NEB: variants seen among roughly 807,000 people sequenced by gnomAD.
NEB encodes the protein nemaline myopathy type 2.
In NEB, 512 loss-of-function variants were observed where a neutral mutation model predicts 952.2. The observed-to-expected ratio is 0.54, with a 90% CI of 0.50 to 0.58. The LOEUF (loss-of-function observed/expected upper bound fraction) is 0.58, where lower values mean the gene tolerates loss of function less well. Ranked by LOEUF, NEB falls within the 20% of genes least tolerant of loss-of-function variation. The pLI is 0.00. For synonymous variants in NEB, 2,900 were observed against 3,149.8 expected (o/e 0.92, Z 2.66); for missense variants, 8,428 against 9,231.1 (o/e 0.91, Z 3.56).
intron 51 of NEB, among the ~76,000 whole-genome samples, chr2:151,654,712 CAT>C (rs1344964864): frequency 6.6e-6 from 1 of 152,154 alleles, no homozygotes; most frequent in East Asian, 1.9e-4. Context: ...AATCCAATGT[CAT>C]AGGCACTTTT....
intron 147 of NEB, 34 bp downstream of exon 147, chr2:151,527,447 G>A (rs758742499): frequency 7.1e-7 from 1 of 1,405,910 alleles, no homozygotes; most frequent in South Asian, 1.2e-5. Context: ...GGTGCAGTAT[G>A]CAGTTACAAT....
intron 15 of NEB, 43 bp downstream of exon 15, chr2:151,697,307 A>G: frequency 1.2e-6 from 2 of 1,610,300 alleles, no homozygotes; most frequent in Non-Finnish European, 1.7e-6. Context: ...ATGCCCTGAG[A>G]AAAATGTTAT....
rs749050869 is a variant in NEB at position 151,524,509 on chromosome 2, C to A, written c.22374+6G>T. 3 of 1,613,852 alleles carry A rather than the reference C, an allele frequency of 1.9e-6. No individual in the cohort carries two copies. Among genetic ancestry groups the A allele is most frequent in the Non-Finnish European group, 2.5e-6 (3 of 1,179,790 alleles). ...GGGACTGGGGACATTTTCATGACAC[C>A]CTTACCTCACTGGCCTGTTTGGCTG... On this transcript the variant is annotated splice_donor_region_variant and intron_variant, in intron 152 of 181. Transcript: ENST00000397345.
At chr2:151,576,606 A>T (rs1443581003) in intron 105 of NEB, among the ~76,000 whole-genome samples, 1 of 136,626 alleles carries the variant, frequency 7.3e-6, no homozygotes, top group African/African-American at 2.8e-5. Context: ...ATCTCAGCTC[A>T]CTACAAACTC....
chr2:151,731,837 T>G (rs2099810034), intron 3 of NEB, among the ~76,000 whole-genome samples: 1 of 152,158 alleles, frequency 6.6e-6, no homozygotes, highest in East Asian at 1.9e-4. Context: ...GTATTAGTGT[T>G]TGACAGTGAT....
Position 151,570,231 on chromosome 2 carries a change from G to A in NEB, c.17280C>T (p.Ser5760=), listed in dbSNP as rs1305420488. 6.2e-7 allele frequency: 1 copy of A among 1,613,610 alleles called. No individual in the cohort carries two copies. The highest frequency in any genetic ancestry group is 8.5e-7 in the Non-Finnish European group (1 of 1,179,826). ...DWAKWKAKIQ[S]PVDMLSILHS... ...GCAGGATGGAAAGCATGTCCACAGG[G>A]CTCTGGATCTTGGCCTTCCATTTGG... Residue 5760 remains serine (S), a synonymous_variant, in exon 109 of 182, where the codon AGC becomes AGT. Transcript: ENST00000397345.
chr2:151,622,126 G>A (rs1014952650), intron 71 of NEB, among the ~76,000 whole-genome samples: 1 of 151,866 alleles, frequency 6.6e-6, no homozygotes, highest in African/African-American at 2.4e-5. Flanking sequence ...TCAGCCACCC[G>A]AGTAGCTGGG....
chr2:151,535,436 C>T (rs2092957164), intron 142 of NEB, among the ~76,000 whole-genome samples: 2 of 152,180 alleles, frequency 1.3e-5, no homozygotes, highest in South Asian at 4.1e-4. Context: ...GGCTGTGCTG[C>T]CCTGTGTTTG....
intron 138 of NEB, 135 bp downstream of exon 138, chr2:151,540,202 TTTTTCTC>T: frequency 2.2e-6 from 1 of 447,982 alleles, no homozygotes; most frequent in Non-Finnish European, 3.7e-6. Context: ...TGGGCATTTT[TTTTTCTC>T]TTTAAAAAAA....
chr2:151,692,377 ATAAAT>A lies in NEB; in HGVS notation c.1897-20_1897-16del, dbSNP rs573951853. The A allele has an allele frequency of 1.3e-6, 2 of 1,554,338 alleles. No individual in the cohort carries two copies. The highest frequency in any genetic ancestry group is 1.8e-6 in the Non-Finnish European group (2 of 1,130,496). On this transcript the variant is annotated splice_polypyrimidine_tract_variant and intron_variant, in intron 20 of 181. Coordinates refer to ENST00000397345, the MANE Select transcript of NEB (RefSeq NM_001164508.2). ...TTGTATAATCTCTGTTAAAGGAAAA[ATAAAT>A]TAAACCAAAAAGAAAGAAATATATA...
At chr2:151,518,280 A>C in intron 156 of NEB, 38 bp downstream of exon 156, 2 of 1,395,778 alleles carry the variant, frequency 1.4e-6, no homozygotes, top group Non-Finnish European at 2.0e-6. Context: ...CTGTGGATGA[A>C]TGTGCGCCAG....
chr2:151,568,287 A>G, intron 112 of NEB, 29 bp downstream of exon 112: 1 of 1,605,894 alleles, frequency 6.2e-7, no homozygotes, highest in Non-Finnish European at 8.5e-7. Flanking sequence ...CTCGTACACA[A>G]ACACCAGGCA....
intron 138 of NEB, among the ~76,000 whole-genome samples, chr2:151,539,272 T>C (rs778714387): frequency 6.6e-6 from 1 of 152,182 alleles, no homozygotes; most frequent in African/African-American, 2.4e-5. Context: ...ACAAGAAGAC[T>C]AAAAATATCC....
chr2:151,553,529 G>C (rs780080066), intron 126 of NEB, 27 bp from the exon 127 acceptor site: 3 of 1,394,254 alleles, frequency 2.2e-6, no homozygotes, highest in Non-Finnish European at 3.0e-6. Context: ...GAAAGGATCA[G>C]AAAAAAAAAA....
At position 151,526,913 on chromosome 2, in the gene NEB, C is replaced by G. The variant is rs767306850; in HGVS notation, c.21945+5G>C. 1.3e-6 allele frequency: 2 copies of G among 1,572,196 alleles called. No homozygotes were observed. Among genetic ancestry groups the G allele is most frequent in the South Asian group, 2.3e-5 (2 of 86,406 alleles). On this transcript the variant is annotated splice_donor_5th_base_variant and intron_variant, in intron 148 of 181. Coordinates refer to ENST00000397345, the MANE Select transcript of NEB (RefSeq NM_001164508.2). ...TAGGCATCATGGAAGGAACTAGGTACTTACATCACTTTCTATTAAAGTATT... is the reference window on the plus strand; with the variant it reads ...TAGGCATCATGGAAGGAACTAGGTAGTTACATCACTTTCTATTAAAGTATT...
At position 151,650,684 on chromosome 2, in the gene NEB, G is replaced by A. The variant is rs2099020562; in HGVS notation, c.7117C>T (p.Gln2373Ter). 1 of 1,613,600 alleles carries A rather than the reference G, an allele frequency of 6.2e-7. No homozygotes were observed. The highest frequency in any genetic ancestry group is 1.1e-5 in the South Asian group (1 of 91,060). Residue 2373 changes from glutamine (Q) to a stop codon, truncating the protein, a stop_gained, in exon 53 of 182, where the codon CAG (glutamine) becomes TAG (stop). Coordinates refer to ENST00000397345, the MANE Select transcript of NEB (RefSeq NM_001164508.2). LOFTEE classifies it high-confidence loss of function. ...TAGTCCACGTCACTAACCAACTCCT[G>A]ACACTTCTTGGCCAGTACCACTCCC... is the stretch of plus-strand genomic sequence containing the variant. Reference protein sequence around the residue: ...MLGVVLAKKCQELVSDVDYKN... With the variant: ...MLGVVLAKKC
At chr2:151,712,309 C>G (rs554107791) in intron 10 of NEB, among the ~76,000 whole-genome samples, 1 of 152,220 alleles carries the variant, frequency 6.6e-6, no homozygotes, top group South Asian at 2.1e-4. Flanking sequence ...TTAATGAGGT[C>G]TAAATGTTGG....
chr2:151,697,027 C>T (rs2099601670), intron 16 of NEB, 121 bp downstream of exon 16: 1 of 725,502 alleles, frequency 1.4e-6, no homozygotes, highest in Admixed American at 3.0e-5. Context: ...ACAAAATAGA[C>T]TTCATTTCTT....
intron 36 of NEB, among the ~76,000 whole-genome samples, chr2:151,673,045 A>G (rs910724219): frequency 6.6e-5 from 10 of 152,228 alleles, no homozygotes; most frequent in South Asian, 2.1e-4. Flanking sequence ...TGTTATTTAC[A>G]TCACAAATAT....
Sources: gnomAD v4.1 joint callset for allele counts (sites outside exome capture counted in the v4.1 genomes callset) on GRCh38, gnomAD v4.1.1 for gene constraint, MANE v1.5 for transcripts, NCBI Gene and HGNC (gene_info 2026-07-23, HGNC 2026-07-21) for gene names.